Variants in PEMT observed in about 807,000 individuals in gnomAD.
PEMT encodes the protein phospholipid methyltransferase.
A neutral mutation model predicts 27.4 loss-of-function variants in PEMT; 23 were observed. The ratio of observed to expected loss-of-function variants is 0.84; its 90% CI spans 0.60 to 1.19. The LOEUF (loss-of-function observed/expected upper bound fraction) is 1.19. PEMT is among the 50% of genes most tolerant of loss of function. The pLI, the probability that PEMT is intolerant of heterozygous loss-of-function variation, is 0.00. For missense variants in PEMT, 307 were observed against 310.1 expected (o/e 0.99, Z 0.07); for synonymous variants, 137 against 139.1 (o/e 0.98, Z 0.11).
chr17:17,513,249 C>T lies in PEMT; in HGVS notation c.321-595G>A, dbSNP rs1906555480. Among the ~76,000 whole-genome samples, 2 of 152,218 alleles carry T rather than the reference C, an allele frequency of 1.3e-5. No homozygotes were observed. The highest frequency in any genetic ancestry group is 6.5e-5 in the Admixed American group (1 of 15,284). On this transcript the variant is annotated intron_variant, in intron 3 of 6. Transcript: ENST00000255389. This position sits in a 1 kb window ranked among gnomAD's most constrained non-coding sequence, Gnocchi z 4.1. ...GGGGCCCTTAATGTCCTCCTCCACA[C>T]CTGAATTCCCCCACTAGGCTCCCTT...
At chr17:17,538,488 G>T (rs2142588870) in intron 2 of PEMT, among the ~76,000 whole-genome samples, 1 of 152,286 alleles carries the variant, frequency 6.6e-6, no homozygotes, top group South Asian at 2.1e-4. Flanking sequence ...CCAGGAATTT[G>T]AGGCTGCAGT....
At chr17:17,511,565 A>G (rs1288436456) in intron 4 of PEMT, among the ~76,000 whole-genome samples, 2 of 152,196 alleles carry the variant, frequency 1.3e-5, no homozygotes, top group African/African-American at 4.8e-5. Context: ...GGAGCTCCTC[A>G]GGACACCGTT....
At chr17:17,529,508 G>C (rs1466966308) in intron 2 of PEMT, among the ~76,000 whole-genome samples, 11 of 152,194 alleles carry the variant, frequency 7.2e-5, no homozygotes, top group Admixed American at 7.2e-4. Context: ...ATCAATCCCT[G>C]TCCAAGGTGC....
Position 17,562,880 on chromosome 17 carries a change from C to T in PEMT, c.204+14040G>A, listed in dbSNP as rs117561479. On this transcript the variant is annotated intron_variant, in intron 2 of 6. Coordinates refer to ENST00000255389, the MANE Select transcript of PEMT (RefSeq NM_148172.3). ...TGCCCAGAGGAGGCCATTTCCCCAT[C>T]CCCCTGCCCCATGTGGCTTCTCTGA... Among the ~76,000 whole-genome samples the T allele has an allele frequency of 3.6e-3, 548 of 152,288 alleles. 4 individuals are homozygous for T. Among genetic ancestry groups the T allele is most frequent in the Non-Finnish European group, 6.2e-3 (419 of 68,024 alleles).
Position 17,512,206 on chromosome 17 carries a change from C to A in PEMT, c.466+303G>T, listed in dbSNP as rs1279610684. ...GAGCTGGACTCAAGGAGTCCTGCAC[C>A]CAGCCCGGGCCGCAGAACGGGCATT... is the stretch of plus-strand genomic sequence containing the variant. On this transcript the variant is annotated intron_variant, in intron 4 of 6. Transcript: ENST00000255389. This position sits in a 1 kb window ranked among gnomAD's most constrained non-coding sequence, Gnocchi z 6.3. Among the ~76,000 whole-genome samples the A allele has an allele frequency of 6.6e-6, 1 of 152,190 alleles. No homozygotes were observed. Among genetic ancestry groups the A allele is most frequent in the Non-Finnish European group, 1.5e-5 (1 of 68,028 alleles).
intron 5 of PEMT, among the ~76,000 whole-genome samples, chr17:17,506,659 A>C (rs1905881688): frequency 6.6e-6 from 1 of 152,158 alleles, no homozygotes; most frequent in Non-Finnish European, 1.5e-5. Flanking sequence ...TCATTCCCGC[A>C]CAGGAGGAGA....
At chr17:17,589,720 T>C (rs1426288112) in intron 1 of PEMT, among the ~76,000 whole-genome samples, 2 of 151,912 alleles carry the variant, frequency 1.3e-5, no homozygotes, top group African/African-American at 2.4e-5. Context: ...GAGGAGGGAG[T>C]AGAGCTACCA....
intron 2 of PEMT, among the ~76,000 whole-genome samples, chr17:17,560,858 C>T (rs1174889483): frequency 4.6e-5 from 7 of 151,326 alleles, no homozygotes; most frequent in African/African-American, 1.7e-4. Flanking sequence ...CCCACCCTCA[C>T]CTACACGCTG....
At chr17:17,550,094 C>T (rs755668604) in intron 2 of PEMT, among the ~76,000 whole-genome samples, 27 of 152,194 alleles carry the variant, frequency 1.8e-4, no homozygotes, top group Non-Finnish European at 1.9e-4. Context: ...CAGGGCTGGG[C>T]ACAGAGACTC....
intron 4 of PEMT, among the ~76,000 whole-genome samples, chr17:17,509,895 C>G (rs576849041): frequency 6.6e-6 from 1 of 152,268 alleles, no homozygotes; most frequent in African/African-American, 2.4e-5. Context: ...ACAGAGAGCG[C>G]CTTTCCTCCT....
chr17:17,516,789 G>A (rs527298999), intron 3 of PEMT, among the ~76,000 whole-genome samples: 1 of 152,120 alleles, frequency 6.6e-6, no homozygotes, highest in East Asian at 1.9e-4. Flanking sequence ...CAGCAGCTGG[G>A]GGCCCTTGTG....
intron 2 of PEMT, among the ~76,000 whole-genome samples, chr17:17,566,179 A>G (rs914359265): frequency 1.3e-5 from 2 of 152,182 alleles, no homozygotes; most frequent in Non-Finnish European, 2.9e-5. Context: ...CAAATAACAC[A>G]GCCCCGCTGG....
At chr17:17,527,019 G>A (rs1315670996) in intron 2 of PEMT, among the ~76,000 whole-genome samples, 3 of 152,028 alleles carry the variant, frequency 2.0e-5, no homozygotes, top group Non-Finnish European at 2.9e-5. Flanking sequence ...AAGTGAGGCC[G>A]CAGAAAGTCG....
chr17:17,542,815 C>T (rs953086180), intron 2 of PEMT, among the ~76,000 whole-genome samples: 5 of 152,220 alleles, frequency 3.3e-5, no homozygotes, highest in South Asian at 2.1e-4. Context: ...GGGACTGGGC[C>T]GCCCCCTCCT....
chr17:17,549,155 G>A (rs987503937), intron 2 of PEMT, among the ~76,000 whole-genome samples: 6 of 152,076 alleles, frequency 3.9e-5, no homozygotes, highest in Admixed American at 2.0e-4. Context: ...CTACAGGCAT[G>A]TGCCACCATG....
intron 2 of PEMT, among the ~76,000 whole-genome samples, chr17:17,542,575 C>A (rs1357640146): frequency 6.6e-6 from 1 of 152,140 alleles, no homozygotes; most frequent in Non-Finnish European, 1.5e-5. Context: ...GAGGGCAGGG[C>A]CTTCGTGTTT....
At position 17,513,586 on chromosome 17, in the gene PEMT, A is replaced by G. The variant is rs1906577363; in HGVS notation, c.321-932T>C. The stretch of plus-strand genomic sequence containing the variant: ...CAATAGAGCGAGACTTAGTATCAAA[A>G]GAAAAAAGAAAAAAAGAAAAGGCAG... On this transcript the variant is annotated intron_variant, in intron 3 of 6. Coordinates refer to ENST00000255389, the MANE Select transcript of PEMT (RefSeq NM_148172.3). The surrounding 1 kb of genome is among the most constrained non-coding windows in gnomAD (Gnocchi z 4.1). Among the ~76,000 whole-genome samples, 2 of 152,164 alleles carry G rather than the reference A, an allele frequency of 1.3e-5. No homozygotes were observed. The highest frequency in any genetic ancestry group is 2.9e-5 in the Non-Finnish European group (2 of 68,026).
intron 2 of PEMT, among the ~76,000 whole-genome samples, chr17:17,547,501 C>T (rs933320377): frequency 7.9e-5 from 12 of 152,298 alleles, no homozygotes; most frequent in Admixed American, 1.3e-4. Context: ...CACACTGTGG[C>T]GTGCAGGATG....
In PEMT at chr17:17,532,994, T is replaced by G. The variant is rs202137176; in HGVS notation, c.205-10599A>C. On this transcript the variant is annotated intron_variant, in intron 2 of 6. Transcript: ENST00000255389. ...GTGAGCCGAGATCGTGCTATCGCAC[T>G]CCAGCCTGGGTGACAGAGTGAGGCT... Among the ~76,000 whole-genome samples the G allele has an allele frequency of 4.6e-5, 7 of 152,340 alleles. No individual in the cohort carries two copies. In the South Asian group the frequency reaches 1.0e-3, roughly 23 times the overall value.
Sources: gnomAD v4.1 joint callset for allele counts (sites outside exome capture counted in the v4.1 genomes callset) on GRCh38, gnomAD v4.1.1 for gene constraint, Gnocchi (gnomAD v3.1) non-coding constraint, MANE v1.5 for transcripts, NCBI Gene and HGNC (gene_info 2026-07-23, HGNC 2026-07-21) for gene names.